The following CENPO variants were observed in gnomAD, a reference collection of about 807,000 sequenced individuals.
CENPO encodes centromeric protein O.
In CENPO, 30 loss-of-function variants were observed where a neutral mutation model predicts 36.1. That is an observed-to-expected ratio of 0.83 (90% CI 0.62 to 1.13). CENPO has a LOEUF of 1.13. Ranked by LOEUF, CENPO falls within the 50% of genes most tolerant of loss-of-function variation. The pLI, the probability that CENPO is intolerant of heterozygous loss-of-function variation, is 0.00. For missense variants in CENPO, 349 were observed against 357.8 expected, an observed-to-expected ratio of 0.98 and a Z score of 0.20; for synonymous variants, 171 against 142.3, an observed-to-expected ratio of 1.20 and a Z score of -1.44.
At chr2:24,806,576 C>T (rs1031843124) in intron 3 of CENPO, among the ~76,000 whole-genome samples, 1 of 152,194 alleles carries the variant, frequency 6.6e-6, no homozygotes, top group African/African-American at 2.4e-5. Flanking sequence ...CAATCATATA[C>T]ATATTGGGTA....
intron 7 of CENPO, among the ~76,000 whole-genome samples, chr2:24,818,692 C>G (rs930830607): frequency 6.6e-6 from 1 of 152,224 alleles, no homozygotes; most frequent in African/African-American, 2.4e-5. Flanking sequence ...ACTCAGGCGC[C>G]CCCCGGGTCT....
intron 3 of CENPO, among the ~76,000 whole-genome samples, chr2:24,811,275 C>T (rs1666668045): frequency 1.0e-5 from 1 of 97,200 alleles, no homozygotes; most frequent in Admixed American, 1.3e-4. Flanking sequence ...AGTATTTAGT[C>T]CATGAACTTT....
chr2:24,798,651 G>A (rs1666022293), intron 2 of CENPO, among the ~76,000 whole-genome samples: 1 of 152,106 alleles, frequency 6.6e-6, no homozygotes, highest in South Asian at 2.1e-4. Context: ...TGGTAGAGAC[G>A]GGGTTTCACT....
In CENPO at chr2:24,821,608, G is replaced by A; in HGVS notation, c.*2290G>A. 2 of 1,614,186 alleles carry A rather than the reference G, an allele frequency of 1.2e-6. No individual in the cohort carries two copies. Among genetic ancestry groups the A allele is most frequent in the Non-Finnish European group, 1.7e-6 (2 of 1,180,036 alleles). On this transcript the variant is annotated 3_prime_UTR_variant, in exon 8 of 8. Coordinates refer to ENST00000380834, the MANE Select transcript of CENPO (RefSeq NM_001322101.2). ...GCGCGAAGTCGGCCAGGTCAGCCAG[G>A]TGCTGCCAGCGCTCTCTCTCGGACT...
Position 24,819,866 on chromosome 2 carries a change from G to C in CENPO, c.*548G>C, listed in dbSNP as rs1667279373. On this transcript the variant is annotated 3_prime_UTR_variant, in exon 8 of 8. Transcript: ENST00000380834. ...GTGCACTTCAATCCAGGAAGGTCGGGACTTCCTTCAGTTTCAAAAAATAAA... is the reference window on the plus strand; with the variant it reads ...GTGCACTTCAATCCAGGAAGGTCGGCACTTCCTTCAGTTTCAAAAAATAAA... 2.6e-6 allele frequency: 4 copies of C among 1,529,380 alleles called. No individual in the cohort carries two copies. The East Asian group carries it at 9.2e-5, about 35-fold the overall frequency. 94.7% of individuals were successfully genotyped at this position (1,529,380 alleles called of 1,614,324 possible). A position where few individuals can be genotyped will look rare whatever the true frequency, so the allele number is the denominator to read the frequency against.
chr2:24,812,510 C>T (rs62140587), intron 3 of CENPO, among the ~76,000 whole-genome samples: 1 of 151,726 alleles, frequency 6.6e-6, no homozygotes, highest in African/African-American at 2.4e-5. Context: ...CAGTTTTTCT[C>T]TATTTCTGGG....
intron 3 of CENPO, among the ~76,000 whole-genome samples, chr2:24,804,014 T>C (rs981027635): frequency 2.6e-4 from 39 of 152,226 alleles, no homozygotes; most frequent in Non-Finnish European, 5.1e-4. Context: ...TGGGTGCTCC[T>C]GTATTGGGTG....
chr2:24,793,508 TA>T lies in CENPO; in HGVS notation c.-69+8del. 6.3e-7 allele frequency: 1 copy of T among 1,590,606 alleles called. No individual in the cohort carries two copies. Among genetic ancestry groups the T allele is most frequent in the Non-Finnish European group, 8.6e-7 (1 of 1,168,396 alleles). On this transcript the variant is annotated splice_region_variant and intron_variant, in intron 1 of 7. Coordinates refer to ENST00000380834, the MANE Select transcript of CENPO (RefSeq NM_001322101.2). Reference sequence around the variant, plus strand: ...ATTCTCGCTTCTGGCCTGGGTGAGCTAGAAGGGAGAAGGTAGGGGAAAGACC... The same window carrying T: ...ATTCTCGCTTCTGGCCTGGGTGAGCTGAAGGGAGAAGGTAGGGGAAAGACC...
intron 7 of CENPO, among the ~76,000 whole-genome samples, chr2:24,818,975 C>T (rs1049248728): frequency 3.3e-5 from 5 of 152,240 alleles, no homozygotes; most frequent in African/African-American, 1.2e-4. Flanking sequence ...TTAAAGCCAG[C>T]TTGGAGTACC....
intron 2 of CENPO, among the ~76,000 whole-genome samples, chr2:24,796,628 C>T (rs1268616737): frequency 2.0e-5 from 3 of 152,060 alleles, no homozygotes; most frequent in Non-Finnish European, 4.4e-5. Flanking sequence ...GCCTGGGAAA[C>T]ATAGTGAGAC....
intron 3 of CENPO, among the ~76,000 whole-genome samples, chr2:24,805,821 G>A (rs189033497): frequency 1.6e-3 from 241 of 152,328 alleles, no homozygotes; most frequent in African/African-American, 5.4e-3. Flanking sequence ...CTCCAGCTGC[G>A]TGCTGGGAGA....
Position 24,817,466 on chromosome 2 carries a change from C to CAGAAAAAAAAAAAAAAAA in CENPO, c.767-203_767-202insGAAAAAAAAAAAAAAAAA, listed in dbSNP as rs1553327910. ...AGTAAGGGGCAGCCTTAGTCCAGACCAAAAAAAAAAGCTGTATGGGTCCAG... is the reference window on the plus strand; with the variant it reads ...AGTAAGGGGCAGCCTTAGTCCAGACCAGAAAAAAAAAAAAAAAAAAAAAAAAAAGCTGTATGGGTCCAG... On this transcript the variant is annotated intron_variant, in intron 6 of 7. Transcript: ENST00000380834. 1.5e-4 allele frequency among the ~76,000 whole-genome samples: 17 copies of CAGAAAAAAAAAAAAAAAA among 110,084 alleles called. 1 individual carries two copies. Among genetic ancestry groups the CAGAAAAAAAAAAAAAAAA allele is most frequent in the African/African-American group, 7.4e-4 (17 of 23,108 alleles). 72.2% of individuals were successfully genotyped at this position (110,084 alleles called of 152,430 possible). A position where few individuals can be genotyped will look rare whatever the true frequency, so the allele number is the denominator to read the frequency against.
intron 2 of CENPO, among the ~76,000 whole-genome samples, chr2:24,799,022 C>G (rs1449669787): frequency 2.4e-5 from 3 of 125,314 alleles, no homozygotes; most frequent in East Asian, 2.3e-4. Context: ...CTTGCTCTGT[C>G]CCCCAGGCTG....
chr2:24,798,257 GTGTGTGTGTA>G (rs1194752341), intron 2 of CENPO, among the ~76,000 whole-genome samples: 2 of 134,846 alleles, frequency 1.5e-5, no homozygotes, highest in East Asian at 2.1e-4. Flanking sequence ...ATGAAATTGT[GTGTGTGTGTA>G]TGTGTGTGTA....
Position 24,815,660 on chromosome 2 carries a change from A to C in CENPO, c.498A>C (p.Ala166=). 1 of 1,614,144 alleles carries C rather than the reference A, an allele frequency of 6.2e-7. No homozygotes were observed. Among genetic ancestry groups the C allele is most frequent in the Non-Finnish European group, 8.5e-7 (1 of 1,179,990 alleles). The change falls in exon 5 of 8, where the codon GCA becomes GCC. Residue 166 remains alanine, a synonymous_variant. Coordinates refer to ENST00000380834, the MANE Select transcript of CENPO (RefSeq NM_001322101.2). ...TCATTCCCCTGGAAGAGATAGCTGC[A>C]AAATATTTACAGACCAACATCCAGC... ...PVFIPLEEIA[A]KYLQTNIQHF...
intron 3 of CENPO, among the ~76,000 whole-genome samples, chr2:24,807,123 C>G (rs1666441207): frequency 6.6e-6 from 1 of 152,214 alleles, no homozygotes; most frequent in African/African-American, 2.4e-5. Context: ...CTTCCTCCCC[C>G]TCTTCCTTTT....
At chr2:24,813,129 C>G (rs1030658504) in intron 3 of CENPO, among the ~76,000 whole-genome samples, 1 of 151,940 alleles carries the variant, frequency 6.6e-6, no homozygotes, top group African/African-American at 2.4e-5. Context: ...ACCTGTAATC[C>G]CAGCTACTCG....
chr2:24,797,683 A>C (rs758084729), intron 2 of CENPO, among the ~76,000 whole-genome samples: 1 of 152,228 alleles, frequency 6.6e-6, no homozygotes, highest in Non-Finnish European at 1.5e-5. Context: ...ATAGATGCTT[A>C]ATAAACATCT....
intron 3 of CENPO, among the ~76,000 whole-genome samples, chr2:24,806,017 G>C (rs115606985): frequency 6.6e-6 from 1 of 152,204 alleles, no homozygotes. Flanking sequence ...CCAAGCCTCG[G>C]CAAGGGCGGG....
Sources: gnomAD v4.1 joint callset for allele counts (sites outside exome capture counted in the v4.1 genomes callset) on GRCh38, gnomAD v4.1.1 for gene constraint, MANE v1.5 for transcripts, NCBI Gene and HGNC (gene_info 2026-07-23, HGNC 2026-07-21) for gene names.